The following ELP4 variants were observed in gnomAD, a reference collection of about 807,000 sequenced individuals.
ELP4 encodes elongator complex protein 4.
In ELP4, 51 loss-of-function variants were observed where a neutral mutation model predicts 48.9. That is an observed-to-expected ratio of 1.04 (90% CI 0.83 to 1.32). The LOEUF is 1.32. Among genes scored for constraint, ELP4 ranks in the 40% most tolerant of loss-of-function variants. ELP4 has a pLI of 0.00. For synonymous variants in ELP4, 210 were observed against 189.2 expected, an observed-to-expected ratio of 1.11 and a Z score of -0.90; for missense variants, 519 against 514.6, an observed-to-expected ratio of 1.01 and a Z score of -0.08.
At chr11:31,759,869 G>A (rs547137550) in intron 9 of ELP4, among the ~76,000 whole-genome samples, 28 of 152,170 alleles carry the variant, frequency 1.8e-4, no homozygotes, top group African/African-American at 6.3e-4. Flanking sequence ...ACGACACACA[G>A]CTAATTTTTG....
intron 9 of ELP4, among the ~76,000 whole-genome samples, chr11:31,738,379 G>A (rs1000893133): frequency 7.3e-5 from 11 of 151,502 alleles, no homozygotes; most frequent in Non-Finnish European, 1.2e-4. Flanking sequence ...ACCACTGTAC[G>A]CCAGCCTGGG....
At chr11:31,758,459 T>C (rs1053602387) in intron 9 of ELP4, among the ~76,000 whole-genome samples, 6 of 152,236 alleles carry the variant, frequency 3.9e-5, no homozygotes, top group Admixed American at 6.5e-5. Context: ...GTTTTATAGA[T>C]GATAATTGCC....
chr11:31,648,883 C>A (rs756078964), intron 8 of ELP4: 2 of 151,182 alleles, frequency 1.3e-5, no homozygotes, highest in Non-Finnish European at 3.0e-5. Flanking sequence ...ATAAGGAGGA[C>A]CTGATGATGA....
chr11:31,722,990 CT>C (rs1256796997), intron 9 of ELP4, among the ~76,000 whole-genome samples: 1 of 152,288 alleles, frequency 6.6e-6, no homozygotes, highest in African/African-American at 2.4e-5. Flanking sequence ...CTCTGGATGG[CT>C]TTTGCAGCCT....
At chr11:31,591,514 T>A (rs916518186) in intron 3 of ELP4, among the ~76,000 whole-genome samples, 25 of 151,944 alleles carry the variant, frequency 1.6e-4, no homozygotes, top group Non-Finnish European at 3.1e-4. Context: ...CTCAGTATCA[T>A]TGTCGTTAGG....
intron 9 of ELP4, chr11:31,762,172 G>C (rs1947958390): frequency 6.6e-6 from 1 of 151,928 alleles, no homozygotes; most frequent in Non-Finnish European, 1.5e-5. Context: ...ATCTAAACCA[G>C]ACACAAAGAC....
At chr11:31,518,317 G>A (rs1262987898) in intron 1 of ELP4, among the ~76,000 whole-genome samples, 1 of 151,688 alleles carries the variant, frequency 6.6e-6, no homozygotes, top group African/African-American at 2.4e-5. Context: ...TGTTGGTCAG[G>A]CTGGTCTCGA....
chr11:31,745,884 G>T lies in ELP4; in HGVS notation c.1144-37509G>T, dbSNP rs1179481796. ...AGCAATGGCAACAAAAGCCAAAATT[G>T]ACAAATGGGATCTAATTAAACTAAA... is the stretch of plus-strand genomic sequence containing the variant. On this transcript the variant is annotated intron_variant, in intron 9 of 9. Coordinates refer to ENST00000640961, the MANE Select transcript of ELP4 (RefSeq NM_019040.5). Among the ~76,000 whole-genome samples the T allele has an allele frequency of 5.9e-5, 9 of 152,158 alleles. No homozygotes were observed. The South Asian group carries it at 1.9e-3, about 32-fold the overall frequency.
intron 9 of ELP4, among the ~76,000 whole-genome samples, chr11:31,675,744 T>A (rs985311037): frequency 1.3e-5 from 2 of 152,152 alleles, no homozygotes; most frequent in Non-Finnish European, 2.9e-5. Flanking sequence ...ACAATCTTTT[T>A]CAGGTGTTTA....
intron 9 of ELP4, among the ~76,000 whole-genome samples, chr11:31,718,596 A>C (rs187763717): frequency 1.7e-4 from 26 of 152,286 alleles, no homozygotes; most frequent in Non-Finnish European, 2.6e-4. Flanking sequence ...TCACTGACCT[A>C]TGTAATGGTT....
intron 9 of ELP4, among the ~76,000 whole-genome samples, chr11:31,731,570 G>GTGTGTGTGTGTGTGTGTGTA (rs1419889893): frequency 7.9e-4 from 117 of 148,700 alleles, no homozygotes; most frequent in African/African-American, 2.9e-3. Context: ...TTAAGCAGGT[G>GTGTGTGTGTGTGTGTGTGTA]TGTGTGTGTG....
At chr11:31,555,399 C>T (rs966985162) in intron 3 of ELP4, among the ~76,000 whole-genome samples, 1 of 151,908 alleles carries the variant, frequency 6.6e-6, no homozygotes, top group African/African-American at 2.4e-5. Context: ...AGTCATTTCA[C>T]CTGTTAGTAA....
intron 2 of ELP4, among the ~76,000 whole-genome samples, chr11:31,535,674 A>G (rs1016471950): frequency 6.6e-6 from 1 of 152,142 alleles, no homozygotes; most frequent in African/African-American, 2.4e-5. Flanking sequence ...ACTTTTTACG[A>G]CTGTATATAC....
chr11:31,666,004 C>CTTTT (rs35902758), intron 9 of ELP4, among the ~76,000 whole-genome samples: 391 of 85,338 alleles, frequency 4.6e-3, no homozygotes, highest in African/African-American at 7.7e-3. Context: ...GTTTCAAATT[C>CTTTT]TTTTTTTTTT....
At chr11:31,727,838 T>C (rs1947108163) in intron 9 of ELP4, 1 of 152,178 alleles carries the variant, frequency 6.6e-6, no homozygotes. Flanking sequence ...TTCAGCTTCT[T>C]TGTAGCACAA....
At chr11:31,544,876 A>T (rs7950752) in intron 3 of ELP4, among the ~76,000 whole-genome samples, 3 of 152,008 alleles carry the variant, frequency 2.0e-5, no homozygotes, top group Non-Finnish European at 4.4e-5. Flanking sequence ...CACTGCTGCT[A>T]ATACCCAGGC....
intron 6 of ELP4, among the ~76,000 whole-genome samples, chr11:31,629,465 G>T (rs1456912005): frequency 2.6e-5 from 4 of 151,690 alleles, no homozygotes; most frequent in African/African-American, 9.7e-5. Context: ...TATCTGTTGT[G>T]CTGGGTACCC....
intron 9 of ELP4, among the ~76,000 whole-genome samples, chr11:31,658,524 A>G (rs1027652719): frequency 2.0e-5 from 3 of 151,860 alleles, no homozygotes; most frequent in African/African-American, 4.8e-5. Context: ...TTCTAAATCC[A>G]AAAGAAAGTG....
intron 3 of ELP4, among the ~76,000 whole-genome samples, chr11:31,561,292 A>G (rs888546691): frequency 1.3e-5 from 2 of 152,206 alleles, no homozygotes; most frequent in African/African-American, 4.8e-5. Context: ...TATGAACATT[A>G]CATCATAAAA....
Sources: allele counts gnomAD v4.1 joint callset (sites outside exome capture counted in the v4.1 genomes callset), GRCh38; gene constraint gnomAD v4.1.1; transcripts MANE v1.5; gene names NCBI Gene and HGNC (gene_info 2026-07-23, HGNC 2026-07-21).